The following SCAPER variants were observed in gnomAD, a reference collection of about 807,000 sequenced individuals.
SCAPER encodes S-phase cyclin A associated protein in the ER.
SCAPER carries 98 observed loss-of-function variants against 182.2 expected under a neutral mutation model. The ratio of observed to expected loss-of-function variants is 0.54; its 90% confidence interval spans 0.46 to 0.64. The LOEUF (loss-of-function observed/expected upper bound fraction) is 0.64, where lower values mean the gene tolerates loss of function less well. Among genes scored for constraint, SCAPER ranks in the 30% least tolerant of loss-of-function variants. SCAPER has a pLI of 0.00. For missense variants in SCAPER, 1,432 were observed against 1,690.0 expected, an observed-to-expected ratio of 0.85 and a Z score of 2.68; for synonymous variants, 605 against 564.6, an observed-to-expected ratio of 1.07 and a Z score of -1.01.
At chr15:76,707,980 T>C (rs929546914) in intron 17 of SCAPER, among the ~76,000 whole-genome samples, 3 of 152,134 alleles carry the variant, frequency 2.0e-5, no homozygotes, top group African/African-American at 7.2e-5. Context: ...CTAAGTAACA[T>C]GCTTCTAAAT....
At chr15:76,876,296 T>C (rs1595876931) in intron 2 of SCAPER, among the ~76,000 whole-genome samples, 1 of 152,080 alleles carries the variant, frequency 6.6e-6, no homozygotes, top group Admixed American at 6.5e-5. Flanking sequence ...TCCCCGAGCA[T>C]GGCCAGAGTG....
chr15:76,649,283 G>A (rs927567828), intron 21 of SCAPER, among the ~76,000 whole-genome samples: 1 of 152,012 alleles, frequency 6.6e-6, no homozygotes, highest in South Asian at 2.1e-4. Context: ...AATTTAAAAA[G>A]TAGCTGAGCA....
chr15:76,793,090 C>T, intron 8 of SCAPER: 1 of 527,668 alleles, frequency 1.9e-6, no homozygotes. Context: ...TCATTTTATA[C>T]CATTTTAGCT....
intron 23 of SCAPER, among the ~76,000 whole-genome samples, chr15:76,571,747 C>T (rs1352281363): frequency 6.6e-6 from 1 of 152,140 alleles, no homozygotes. Flanking sequence ...CTTCAAATAT[C>T]CTTCACTGGG....
intron 15 of SCAPER, among the ~76,000 whole-genome samples, chr15:76,752,037 TAAAA>T (rs796803751): frequency 7.4e-6 from 1 of 134,778 alleles, no homozygotes. Context: ...AACTCCACAA[TAAAA>T]AAAAAAAACT....
At chr15:76,900,884 G>C (rs2074741755) in intron 1 of SCAPER, among the ~76,000 whole-genome samples, 1 of 152,112 alleles carries the variant, frequency 6.6e-6, no homozygotes. Flanking sequence ...GAAAAATTGA[G>C]GTTTGCAATC....
At chr15:76,872,596 TA>T (rs1378569808) in intron 2 of SCAPER, among the ~76,000 whole-genome samples, 5 of 151,954 alleles carry the variant, frequency 3.3e-5, no homozygotes, top group African/African-American at 1.2e-4. Context: ...AAAAATATTC[TA>T]ATCTAGTATA....
At chr15:76,387,153 G>A (rs2043344522) in intron 27 of SCAPER, among the ~76,000 whole-genome samples, 1 of 152,210 alleles carries the variant, frequency 6.6e-6, no homozygotes, top group Admixed American at 6.5e-5. Context: ...AGAAAGAGGA[G>A]TGAAAAATGG....
intron 22 of SCAPER, among the ~76,000 whole-genome samples, chr15:76,611,895 C>G (rs2051032361): frequency 1.3e-5 from 2 of 152,112 alleles, no homozygotes; most frequent in Non-Finnish European, 2.9e-5. Flanking sequence ...ATTTAACATC[C>G]ATTCATGTTA....
chr15:76,752,798 T>C (rs1347367486), intron 15 of SCAPER, among the ~76,000 whole-genome samples: 3 of 151,718 alleles, frequency 2.0e-5, no homozygotes, highest in Non-Finnish European at 4.4e-5. Flanking sequence ...TGAAGATACA[T>C]GGTGGTGATG....
chr15:76,717,571 C>T (rs1038037489), intron 17 of SCAPER, among the ~76,000 whole-genome samples: 1 of 151,934 alleles, frequency 6.6e-6, no homozygotes, highest in Non-Finnish European at 1.5e-5. Context: ...TTTGTATGTG[C>T]CAGAAATTGT....
intron 17 of SCAPER, among the ~76,000 whole-genome samples, chr15:76,724,658 C>T (rs1041242976): frequency 6.6e-5 from 10 of 152,082 alleles, no homozygotes; most frequent in Non-Finnish European, 7.4e-5. Context: ...CTTCTCTTCA[C>T]GCTTCATTTC....
chr15:76,525,862 T>A (rs1006745676), intron 23 of SCAPER, among the ~76,000 whole-genome samples: 1 of 152,236 alleles, frequency 6.6e-6, no homozygotes, highest in African/African-American at 2.4e-5. Context: ...TATTTTCTTT[T>A]GGGTATACAC....
At chr15:76,525,360 T>G (rs1555466819) in intron 23 of SCAPER, among the ~76,000 whole-genome samples, 1 of 152,146 alleles carries the variant, frequency 6.6e-6, no homozygotes, top group Non-Finnish European at 1.5e-5. Context: ...TTTTTAAATA[T>G]AAATAAAAAA....
Position 76,371,395 on chromosome 15 carries a change from C to G in SCAPER, c.3855+4767G>C, listed in dbSNP as rs565225844. Among the ~76,000 whole-genome samples the G allele has an allele frequency of 7.3e-3, 1,102 of 151,658 alleles. 18 individuals are homozygous for G. The highest frequency in any genetic ancestry group is 0.025 in the African/African-American group (1,047 of 41,360). ...AGTGCAGTGGCGTGATCTCGGCTCA[C>G]CGCAACCTCCGCCTCCCAGGTTCAT... On this transcript the variant is annotated intron_variant, in intron 29 of 31. Transcript: ENST00000563290.
intron 5 of SCAPER, among the ~76,000 whole-genome samples, chr15:76,817,326 T>C (rs1000129193): frequency 4.6e-5 from 7 of 152,026 alleles, no homozygotes; most frequent in African/African-American, 1.7e-4. Context: ...CAAAGAAAAA[T>C]AGTGTATGAT....
chr15:76,576,116 C>A (rs1433616184), intron 22 of SCAPER, among the ~76,000 whole-genome samples: 1 of 152,188 alleles, frequency 6.6e-6, no homozygotes, highest in Non-Finnish European at 1.5e-5. Flanking sequence ...AATCCCAGCA[C>A]TTTGGGAGGG....
At chr15:76,480,993 A>G (rs896702170) in intron 24 of SCAPER, among the ~76,000 whole-genome samples, 2 of 152,144 alleles carry the variant, frequency 1.3e-5, no homozygotes, top group Non-Finnish European at 2.9e-5. Context: ...GGCCTCCCAA[A>G]GTGCTGGGAT....
intron 14 of SCAPER, among the ~76,000 whole-genome samples, chr15:76,764,327 G>T (rs946651655): frequency 6.6e-6 from 1 of 152,246 alleles, no homozygotes; most frequent in Admixed American, 6.5e-5. Flanking sequence ...GGCAGTGGCT[G>T]CCAGCAGCAC....
Sources: allele counts gnomAD v4.1 joint callset (sites outside exome capture counted in the v4.1 genomes callset), GRCh38; gene constraint gnomAD v4.1.1; transcripts MANE v1.5; gene names NCBI Gene and HGNC (gene_info 2026-07-23, HGNC 2026-07-21).